Variants in AHR observed in about 807,000 individuals in gnomAD.
The protein encoded by AHR is aryl hydrocarbon receptor, also known as AH-receptor.
A neutral mutation model predicts 86.8 loss-of-function variants in AHR; 40 were observed. The observed-to-expected ratio is 0.46, with a 90% CI of 0.36 to 0.60. The LOEUF is 0.60. AHR is among the 20% of genes least tolerant of loss of function. The pLI, the probability that AHR is intolerant of heterozygous loss-of-function variation, is 0.00. For missense variants in AHR, 1,001 were observed against 1,011.6 expected (o/e 0.99, Z 0.14); for synonymous variants, 398 against 354.9 (o/e 1.12, Z -1.37).
rs1236197098 is a variant in AHR at position 17,332,529 on chromosome 7, T to A, written c.706-1383T>A. On this transcript the variant is annotated intron_variant, in intron 6 of 10. Coordinates refer to ENST00000242057, the MANE Select transcript of AHR (RefSeq NM_001621.5). ...TACAGACCTAAGCTAATGTGTGGGT[T>A]TGTGTCTTAGTTTTTAACAAAAAAA... is the stretch of plus-strand genomic sequence containing the variant. 2.0e-5 allele frequency among the ~76,000 whole-genome samples: 3 copies of A among 151,872 alleles called. No individual in the cohort carries two copies. The East Asian group carries it at 5.8e-4, about 29-fold the overall frequency.
chr7:17,314,166 T>C (rs1402086013), intron 2 of AHR, among the ~76,000 whole-genome samples: 6 of 152,116 alleles, frequency 3.9e-5, no homozygotes, highest in African/African-American at 7.2e-5. Flanking sequence ...CCTGACAAAA[T>C]GGAGCTTAGG....
chr7:17,318,720 G>A (rs562748504), intron 2 of AHR, among the ~76,000 whole-genome samples: 23 of 152,128 alleles, frequency 1.5e-4, no homozygotes, highest in African/African-American at 4.3e-4. Flanking sequence ...TTAAAGTGTC[G>A]TTATGCATAT....
intron 3 of AHR, among the ~76,000 whole-genome samples, chr7:17,326,584 A>T (rs1782232702): frequency 6.6e-6 from 1 of 152,174 alleles, no homozygotes. Context: ...ATAACATTGT[A>T]CCTTATTACA....
intron 2 of AHR, among the ~76,000 whole-genome samples, chr7:17,319,273 T>C (rs903130584): frequency 6.6e-6 from 1 of 152,050 alleles, no homozygotes; most frequent in African/African-American, 2.4e-5. Flanking sequence ...ATTACCCTGG[T>C]ATTGTACATG....
At chr7:17,304,596 C>A (rs1006045533) in intron 1 of AHR, among the ~76,000 whole-genome samples, 74 of 152,014 alleles carry the variant, frequency 4.9e-4, no homozygotes, top group African/African-American at 1.7e-3. Context: ...AGTGTCTTGC[C>A]TGTATTTAAG....
rs1285590977 is a variant in AHR, at chr7:17,298,916, G to T, written c.-349G>T. On this transcript the variant is annotated 5_prime_UTR_variant, in exon 1 of 11. Transcript: ENST00000242057. ...ACCCAGGCCAGGATTCTAAATAGAC[G>T]GCCCAGGCTCCTCCTCCGCCCGGGC... 7.3e-6 allele frequency: 3 copies of T among 410,992 alleles called. No homozygotes were observed. The highest frequency in any genetic ancestry group is 2.1e-5 in the African/African-American group (1 of 48,558). The allele number at this position is 410,992 out of a possible 1,614,324, so 25.5% of individuals were successfully genotyped here. A position where few individuals can be genotyped will look rare whatever the true frequency, so the allele number is the denominator to read the frequency against.
Position 17,339,706 on chromosome 7 carries a change from A to T in AHR, c.1881A>T (p.Gln627His), listed in dbSNP as rs751942036. 3.7e-6 allele frequency: 6 copies of T among 1,614,188 alleles called. 1 individual carries two copies. In the South Asian group the frequency reaches 6.6e-5, roughly 18 times the overall value. Residue 627 changes from glutamine to histidine, a missense_variant, in exon 10 of 11, where the codon CAA becomes CAT. Transcript: ENST00000242057. ...TAGAACAGCAACAGCAACATCACCA[A>T]AAGCAAGTAGTAGTGGAGCCACAGC... Reference protein sequence around the residue: ...LHLEQQQQHHQKQVVVEPQQQ... With the variant: ...LHLEQQQQHHHKQVVVEPQQQ...
At chr7:17,342,784 A>G (rs1782439652) in intron 10 of AHR, 137 bp from the exon 11 acceptor site, 3 of 770,524 alleles carry the variant, frequency 3.9e-6, no homozygotes, top group Admixed American at 3.0e-5. Flanking sequence ...AAGATTTAAA[A>G]TTTAGCAACA....
At chr7:17,341,736 TCAGTAGCCGCATTA>T (rs949220559) in intron 10 of AHR, among the ~76,000 whole-genome samples, 2 of 152,192 alleles carry the variant, frequency 1.3e-5, no homozygotes, top group African/African-American at 4.8e-5. Context: ...ATTAGTTTTT[TCAGTAGCCGCATTA>T]CAAAAGTAAA....
intron 7 of AHR, 83 bp from the exon 8 acceptor site, chr7:17,334,802 CGT>C: frequency 1.0e-6 from 1 of 953,076 alleles, no homozygotes; most frequent in Admixed American, 2.4e-5. Context: ...CAGAAACTAG[CGT>C]AAAACCAATG....
intron 1 of AHR, among the ~76,000 whole-genome samples, chr7:17,304,210 A>G (rs903504037): frequency 6.6e-6 from 1 of 152,098 alleles, no homozygotes; most frequent in Non-Finnish European, 1.5e-5. Context: ...TTATCTTTTG[A>G]TGTCTTACTG....
At chr7:17,320,228 A>G (rs938456421) in intron 2 of AHR, among the ~76,000 whole-genome samples, 1 of 151,970 alleles carries the variant, frequency 6.6e-6, no homozygotes, top group African/African-American at 2.4e-5. Context: ...AGTTATTTCC[A>G]TAGCTTATAT....
chr7:17,320,856 A>G lies in AHR; in HGVS notation c.254-1645A>G, dbSNP rs367546782. 6.6e-5 allele frequency among the ~76,000 whole-genome samples: 10 copies of G among 152,268 alleles called. No homozygotes were observed. In the East Asian group the frequency reaches 7.7e-4, roughly 12 times the overall value. ...CTGTTCTCTGGCCTTTTGAAGTTAC[A>G]TTCAGAGACCGTGCTTTTGGCTGTT... On this transcript the variant is annotated intron_variant, in intron 2 of 10. Transcript: ENST00000242057.
chr7:17,318,013 A>G (rs963599808), intron 2 of AHR, among the ~76,000 whole-genome samples: 11 of 151,886 alleles, frequency 7.2e-5, no homozygotes, highest in Admixed American at 3.3e-4. Flanking sequence ...TTTATGTAAG[A>G]GTTTGGATAG....
rs776254128 is a variant in AHR at position 17,330,750 on chromosome 7, C to G, written c.575-6C>G. 6.4e-7 allele frequency: 1 copy of G among 1,554,746 alleles called. No homozygotes were observed. The highest frequency in any genetic ancestry group is 8.7e-7 in the Non-Finnish European group (1 of 1,148,084). On this transcript the variant is annotated splice_polypyrimidine_tract_variant and splice_region_variant and intron_variant, in intron 5 of 10. Transcript: ENST00000242057. Reference sequence around the variant, plus strand: ...AGTAAATTTTGTTTTGCCTTTATTTCTACAGAAGCCACTGGTCTCCCCCAG... The same window carrying G: ...AGTAAATTTTGTTTTGCCTTTATTTGTACAGAAGCCACTGGTCTCCCCCAG...
chr7:17,300,652 C>G (rs1357493431), intron 1 of AHR, among the ~76,000 whole-genome samples: 1 of 152,122 alleles, frequency 6.6e-6, no homozygotes, highest in East Asian at 1.9e-4. Context: ...AGTTTTCTAC[C>G]TTGGCAGTTT....
Position 17,333,988 on chromosome 7 carries a change from C to T in AHR, c.782C>T (p.Pro261Leu). Residue 261 changes from proline (P) to leucine (L), a missense_variant, in exon 7 of 11, where the codon CCT (proline) becomes CTT (leucine). Coordinates refer to ENST00000242057, the MANE Select transcript of AHR (RefSeq NM_001621.5). ...KKGKDGSILP[P>L]QLALFAIATP... ...GGGAAAGATGGATCAATACTTCCAC[C>T]TCAGTTGGCTTTGTTTGCGATAGCT... 2 of 1,613,470 alleles carry T rather than the reference C, an allele frequency of 1.2e-6. No homozygotes were observed. The highest frequency in any genetic ancestry group is 2.2e-5 in the South Asian group (2 of 91,058).
At chr7:17,312,374 A>G (rs993078328) in intron 2 of AHR, among the ~76,000 whole-genome samples, 4 of 152,230 alleles carry the variant, frequency 2.6e-5, no homozygotes, top group African/African-American at 9.6e-5. Context: ...AGAAAAAAAA[A>G]GTATAGGTTT....
At chr7:17,327,669 A>G (rs1219641588) in intron 3 of AHR, 90 bp from the exon 4 acceptor site, 1 of 605,602 alleles carries the variant, frequency 1.7e-6, no homozygotes. Context: ...TATTTTGAAG[A>G]GAAGAATTTT....
Sources: allele counts gnomAD v4.1 joint callset (sites outside exome capture counted in the v4.1 genomes callset), GRCh38; gene constraint gnomAD v4.1.1; transcripts MANE v1.5; gene names NCBI Gene and HGNC (gene_info 2026-07-23, HGNC 2026-07-21).